Variants in INPP5A observed in about 807,000 individuals in gnomAD.
The protein encoded by INPP5A is inositol polyphosphate-5-phosphatase A, also known as 43 kDa inositol polyphosphate 5-phophatase.
INPP5A carries 14 observed loss-of-function variants against 65.2 expected under a neutral mutation model. That is an observed-to-expected ratio of 0.21 (90% confidence interval 0.14 to 0.34). The LOEUF (loss-of-function observed/expected upper bound fraction) is 0.34, where lower values mean the gene tolerates loss of function less well. Among genes scored for constraint, INPP5A ranks in the 10% least tolerant of loss-of-function variants. The pLI is 1.00. For missense variants in INPP5A, 431 were observed against 545.6 expected (o/e 0.79, Z 2.09); for synonymous variants, 207 against 208.3 (o/e 0.99, Z 0.05).
chr10:132,540,545 G>A (rs1003727348), intron 1 of INPP5A, among the ~76,000 whole-genome samples: 4 of 152,222 alleles, frequency 2.6e-5, no homozygotes, highest in Admixed American at 2.0e-4. Context: ...CTCCTTCAGT[G>A]GAAACCAGCC....
chr10:132,636,894 C>T (rs1199112245), intron 2 of INPP5A, among the ~76,000 whole-genome samples: 1 of 152,066 alleles, frequency 6.6e-6, no homozygotes, highest in African/African-American at 2.4e-5. Context: ...TGGTGCTGGT[C>T]CGATTCTTTA....
At chr10:132,609,533 T>C (rs1198982411) in intron 2 of INPP5A, among the ~76,000 whole-genome samples, 1 of 152,250 alleles carries the variant, frequency 6.6e-6, no homozygotes, top group East Asian at 1.9e-4. Context: ...TGTTTAGGTG[T>C]GTGTGACCGG....
At chr10:132,779,703 G>T (rs1293781180) in intron 13 of INPP5A, among the ~76,000 whole-genome samples, 2 of 152,250 alleles carry the variant, frequency 1.3e-5, no homozygotes, top group Admixed American at 6.5e-5. Context: ...GGGCCACCCA[G>T]TGGGCAGCGG....
rs1352071455 is a variant in INPP5A, at chr10:132,637,805, T to G, written c.118-8063T>G. On this transcript the variant is annotated intron_variant, in intron 2 of 15. Coordinates refer to ENST00000368594, the MANE Select transcript of INPP5A (RefSeq NM_005539.5). The surrounding 1 kb of genome is among the most constrained non-coding windows in gnomAD (Gnocchi z 4.1). ...CATATTCTCGACTGCTTGAGTAGAT[T>G]TGATTTTATCTGCAATGTGGGCTCC... Among the ~76,000 whole-genome samples the G allele has an allele frequency of 6.6e-6, 1 of 152,200 alleles. No homozygotes were observed. The highest frequency in any genetic ancestry group is 1.5e-5 in the Non-Finnish European group (1 of 68,030).
At chr10:132,661,931 C>G (rs2072741538) in intron 4 of INPP5A, among the ~76,000 whole-genome samples, 1 of 152,160 alleles carries the variant, frequency 6.6e-6, no homozygotes, top group South Asian at 2.1e-4. Flanking sequence ...ATGATCTTTT[C>G]CACAAAGGGT....
chr10:132,739,402 G>T (rs1336344832), intron 9 of INPP5A, among the ~76,000 whole-genome samples: 1 of 152,246 alleles, frequency 6.6e-6, no homozygotes, highest in Non-Finnish European at 1.5e-5. Context: ...GGCCCGTGGT[G>T]GGGGCGTGCC....
intron 13 of INPP5A, among the ~76,000 whole-genome samples, chr10:132,780,028 C>T (rs1847133524): frequency 2.0e-5 from 3 of 152,260 alleles, no homozygotes; most frequent in South Asian, 4.1e-4. Context: ...GCGGAGGCGC[C>T]GCTTCACCCG....
At chr10:132,688,618 T>A (rs897079160) in intron 4 of INPP5A, among the ~76,000 whole-genome samples, 1 of 149,016 alleles carries the variant, frequency 6.7e-6, no homozygotes, top group African/African-American at 2.5e-5. Context: ...AGTGTGTGAG[T>A]GTGAGCAAGT....
intron 1 of INPP5A, among the ~76,000 whole-genome samples, chr10:132,583,349 T>G (rs977434620): frequency 2.6e-5 from 4 of 152,206 alleles, no homozygotes; most frequent in African/African-American, 9.7e-5. Flanking sequence ...CATTTGCAGA[T>G]AGAGCCATGT....
intron 9 of INPP5A, among the ~76,000 whole-genome samples, chr10:132,737,938 A>G (rs1001347329): frequency 3.9e-5 from 6 of 152,322 alleles, no homozygotes; most frequent in Admixed American, 1.3e-4. Flanking sequence ...TAGGAAGTTC[A>G]CTTTGCAAAT....
chr10:132,690,120 C>G (rs1845233778), intron 4 of INPP5A, among the ~76,000 whole-genome samples: 1 of 152,296 alleles, frequency 6.6e-6, no homozygotes, highest in African/African-American at 2.4e-5. Context: ...TGGGAAGGGT[C>G]TGGTCCACTC....
At position 132,697,212 on chromosome 10, in the gene INPP5A, G is replaced by A. The variant is rs1013746867; in HGVS notation, c.371-604G>A. Reference sequence around the variant, plus strand: ...CCCCACCTTGGGTGTGGAGCTACCTGTCCATAAAAAGAAAGGCTGAGGCCT... The same window carrying A: ...CCCCACCTTGGGTGTGGAGCTACCTATCCATAAAAAGAAAGGCTGAGGCCT... On this transcript the variant is annotated intron_variant, in intron 5 of 15. Coordinates refer to ENST00000368594, the MANE Select transcript of INPP5A (RefSeq NM_005539.5). The surrounding 1 kb of genome is among the most constrained non-coding windows in gnomAD (Gnocchi z 5.6). Among the ~76,000 whole-genome samples, 2 of 152,242 alleles carry A rather than the reference G, an allele frequency of 1.3e-5. No homozygotes were observed. The highest frequency in any genetic ancestry group is 1.3e-4 in the Admixed American group (2 of 15,288).
intron 2 of INPP5A, among the ~76,000 whole-genome samples, chr10:132,618,562 C>T (rs1247469389): frequency 6.6e-6 from 1 of 152,156 alleles, no homozygotes; most frequent in East Asian, 1.9e-4. Context: ...TGTCTGTTTC[C>T]AGCTAACATG....
intron 1 of INPP5A, among the ~76,000 whole-genome samples, chr10:132,581,905 TC>T (rs1344702640): frequency 1.3e-5 from 2 of 152,000 alleles, no homozygotes; most frequent in African/African-American, 4.8e-5. Context: ...TGGCGCGATC[TC>T]GGCTCACTGC....
intron 11 of INPP5A, among the ~76,000 whole-genome samples, chr10:132,756,833 CCT>C (rs1342744958): frequency 2.0e-5 from 3 of 152,234 alleles, no homozygotes; most frequent in Non-Finnish European, 4.4e-5. Context: ...GGTGGTTGCC[CCT>C]GAGGGCCTTT....
intron 11 of INPP5A, among the ~76,000 whole-genome samples, chr10:132,752,122 G>C: frequency 6.6e-6 from 1 of 151,876 alleles, no homozygotes; most frequent in East Asian, 2.0e-4. Flanking sequence ...TGCCCAGGAG[G>C]CGTCTGGGTG....
At chr10:132,569,810 G>GT (rs1179031314) in intron 1 of INPP5A, among the ~76,000 whole-genome samples, 12 of 128,974 alleles carry the variant, frequency 9.3e-5, no homozygotes, top group South Asian at 2.6e-4. Flanking sequence ...GGCCCCCACT[G>GT]TTTTTTTTTA....
intron 9 of INPP5A, among the ~76,000 whole-genome samples, chr10:132,738,647 C>CACTCCCATTCCATGCGCGCT (rs1324162294): frequency 6.6e-6 from 1 of 152,252 alleles, no homozygotes; most frequent in Admixed American, 6.5e-5. Flanking sequence ...AAGTGGGCGC[C>CACTCCCATTCCATGCGCGCT]ACTCCCATTC....
In INPP5A at chr10:132,674,659, C is replaced by T. The variant is rs2072939764; in HGVS notation, c.307-15733C>T. On this transcript the variant is annotated intron_variant, in intron 4 of 15. Coordinates refer to ENST00000368594, the MANE Select transcript of INPP5A (RefSeq NM_005539.5). This position sits in a 1 kb window ranked among gnomAD's most constrained non-coding sequence, Gnocchi z 4.4. ...TTAATCAAGCCCAATCACATACATG[C>T]CACTTCCATTTGATGATGGAATGCT... 6.6e-6 allele frequency among the ~76,000 whole-genome samples: 1 copy of T among 152,170 alleles called. No homozygotes were observed. The highest frequency in any genetic ancestry group is 1.5e-5 in the Non-Finnish European group (1 of 68,034).
Sources: gnomAD v4.1 joint callset for allele counts (sites outside exome capture counted in the v4.1 genomes callset) on GRCh38, gnomAD v4.1.1 for gene constraint, Gnocchi (gnomAD v3.1) non-coding constraint, MANE v1.5 for transcripts, NCBI Gene and HGNC (gene_info 2026-07-23, HGNC 2026-07-21) for gene names.